The following GAS7 variants were observed in gnomAD, a reference collection of about 807,000 sequenced individuals.
GAS7 encodes the protein growth arrest specific 7.
In GAS7, 28 loss-of-function variants were observed where a neutral mutation model predicts 71.1. The ratio of observed to expected loss-of-function variants is 0.39; its 90% CI spans 0.29 to 0.54. GAS7 has a LOEUF of 0.54. Ranked by LOEUF, GAS7 falls within the 20% of genes least tolerant of loss-of-function variation. The pLI is 0.62. For missense variants in GAS7, 436 were observed against 627.8 expected (o/e 0.69, Z 3.27); for synonymous variants, 258 against 245.8 (o/e 1.05, Z -0.46).
intron 2 of GAS7, among the ~76,000 whole-genome samples, chr17:9,987,363 C>T (rs757773875): frequency 1.2e-4 from 18 of 152,226 alleles, no homozygotes; most frequent in Non-Finnish European, 2.6e-4. Context: ...TCCGCTGAGA[C>T]CCAGAGAGCC....
At chr17:9,942,035 C>T (rs938011816) in intron 7 of GAS7, among the ~76,000 whole-genome samples, 2 of 152,106 alleles carry the variant, frequency 1.3e-5, no homozygotes, top group Non-Finnish European at 2.9e-5. Context: ...GGCAGATTAC[C>T]TGAGGTCAGG....
intron 1 of GAS7, among the ~76,000 whole-genome samples, chr17:10,085,048 G>A (rs1481559782): frequency 2.6e-5 from 4 of 152,144 alleles, no homozygotes; most frequent in Non-Finnish European, 4.4e-5. Context: ...TTTGCTATAA[G>A]ACTGTTCTTA....
At chr17:9,967,784 C>T (rs2152119171) in intron 4 of GAS7, among the ~76,000 whole-genome samples, 2 of 152,262 alleles carry the variant, frequency 1.3e-5, no homozygotes, top group Middle Eastern at 6.8e-3. Context: ...TGTTATGGTG[C>T]TGTAAATAAT....
At chr17:10,167,073 T>TTTTTTTTTTTTC (rs138918612) in intron 1 of GAS7, among the ~76,000 whole-genome samples, 49 of 116,070 alleles carry the variant, frequency 4.2e-4, no homozygotes, top group Non-Finnish European at 6.6e-4. Flanking sequence ...TTTTTTTTTT[T>TTTTTTTTTTTTC]TGAGACAGAG....
intron 9 of GAS7, among the ~76,000 whole-genome samples, chr17:9,929,728 C>T (rs929504708): frequency 1.2e-4 from 19 of 152,226 alleles, no homozygotes; most frequent in Admixed American, 9.2e-4. Flanking sequence ...CCGCCCGCCT[C>T]GGCCTCCCAA....
chr17:9,976,038 C>T (rs1319662789), intron 3 of GAS7, among the ~76,000 whole-genome samples: 1 of 152,232 alleles, frequency 6.6e-6, no homozygotes, highest in East Asian at 1.9e-4. Flanking sequence ...TCAGGAGGAT[C>T]CACTGTCCAC....
chr17:10,101,904 G>A (rs2073702671), intron 1 of GAS7, among the ~76,000 whole-genome samples: 1 of 152,008 alleles, frequency 6.6e-6, no homozygotes, highest in Non-Finnish European at 1.5e-5. Flanking sequence ...CTGGTACATG[G>A]GGCCCTGCCC....
At chr17:9,931,732 C>A (rs978826396) in intron 9 of GAS7, among the ~76,000 whole-genome samples, 2 of 152,170 alleles carry the variant, frequency 1.3e-5, no homozygotes, top group East Asian at 3.8e-4. Flanking sequence ...GTTAGCATGC[C>A]TTCACTGGCT....
At chr17:9,988,767 C>T (rs1345914869) in intron 2 of GAS7, among the ~76,000 whole-genome samples, 4 of 152,104 alleles carry the variant, frequency 2.6e-5, no homozygotes, top group African/African-American at 4.8e-5. Flanking sequence ...GAACCATTTA[C>T]GCCTGGTCAC....
At chr17:9,985,035 C>A (rs375613560) in intron 2 of GAS7, among the ~76,000 whole-genome samples, 1 of 152,224 alleles carries the variant, frequency 6.6e-6, no homozygotes, top group South Asian at 2.1e-4. Flanking sequence ...GGTTCCCTGG[C>A]CCCTGGACAA....
intron 4 of GAS7, among the ~76,000 whole-genome samples, chr17:9,964,780 A>G (rs926376897): frequency 6.6e-6 from 1 of 152,130 alleles, no homozygotes; most frequent in Non-Finnish European, 1.5e-5. Flanking sequence ...AACTCCATCA[A>G]CGCAGGGCTA....
intron 1 of GAS7, among the ~76,000 whole-genome samples, chr17:10,075,799 T>TA (rs1330219445): frequency 2.7e-5 from 4 of 149,140 alleles, no homozygotes; most frequent in African/African-American, 5.0e-5. Flanking sequence ...TATCTCAGTT[T>TA]TAAAAAAAAA....
intron 4 of GAS7, among the ~76,000 whole-genome samples, chr17:9,960,748 C>G (rs1053799499): frequency 1.3e-5 from 2 of 152,214 alleles, no homozygotes; most frequent in Non-Finnish European, 2.9e-5. Context: ...GTCGCATACC[C>G]TTACTCCCAT....
intron 1 of GAS7, among the ~76,000 whole-genome samples, chr17:10,160,191 C>T (rs139293819): frequency 2.0e-5 from 3 of 152,120 alleles, no homozygotes; most frequent in Admixed American, 6.6e-5. Flanking sequence ...CAGGCATGAG[C>T]GACCCTGTCT....
intron 2 of GAS7, among the ~76,000 whole-genome samples, chr17:10,018,416 A>G (rs1261681692): frequency 1.3e-5 from 2 of 152,206 alleles, no homozygotes; most frequent in Non-Finnish European, 2.9e-5. Flanking sequence ...GTCCCAAATA[A>G]TTGATGATCT....
intron 2 of GAS7, among the ~76,000 whole-genome samples, chr17:10,012,973 G>A (rs1318257696): frequency 6.6e-6 from 1 of 151,840 alleles, no homozygotes; most frequent in Non-Finnish European, 1.5e-5. Flanking sequence ...CGTGGTGGCG[G>A]GCACTTATAG....
chr17:10,041,650 T>C (rs2072872339), intron 1 of GAS7, among the ~76,000 whole-genome samples: 1 of 152,252 alleles, frequency 6.6e-6, no homozygotes, highest in Non-Finnish European at 1.5e-5. Flanking sequence ...GGGTTCATCC[T>C]AGCATCTCAA....
intron 1 of GAS7, among the ~76,000 whole-genome samples, chr17:10,121,046 G>A (rs1354200994): frequency 6.6e-6 from 1 of 152,250 alleles, no homozygotes; most frequent in Admixed American, 6.5e-5. Context: ...ACGGGCTGGG[G>A]TGCAGAAGAT....
chr17:10,156,037 T>C (rs1004274541), intron 1 of GAS7, among the ~76,000 whole-genome samples: 3 of 152,230 alleles, frequency 2.0e-5, no homozygotes, highest in African/African-American at 4.8e-5. Context: ...ACTTGTTCCA[T>C]TGCCCCAGCC....
Sources: allele counts gnomAD v4.1 joint callset (sites outside exome capture counted in the v4.1 genomes callset), GRCh38; gene constraint gnomAD v4.1.1; transcripts MANE v1.5; gene names NCBI Gene and HGNC (gene_info 2026-07-23, HGNC 2026-07-21).